UBE2T: variants seen among roughly 807,000 people sequenced by gnomAD.
UBE2T encodes ubiquitin conjugating enzyme E2 T.
In UBE2T, 15 loss-of-function variants were observed where a neutral mutation model predicts 23.3. The ratio of observed to expected loss-of-function variants is 0.64; its 90% CI spans 0.43 to 0.99. The LOEUF (loss-of-function observed/expected upper bound fraction) is 0.99. UBE2T is among the 50% of genes least tolerant of loss of function. The pLI is 0.00. For missense variants in UBE2T, 197 were observed against 234.9 expected (o/e 0.84, Z 1.05); for synonymous variants, 67 against 78.4 (o/e 0.85, Z 0.77).
chr1:202,339,858 A>T (rs1654962381), intron 1 of UBE2T, among the ~76,000 whole-genome samples: 1 of 151,972 alleles, frequency 6.6e-6, no homozygotes, highest in Non-Finnish European at 1.5e-5. Flanking sequence ...TGTGCAACAA[A>T]GGAGAACCCC....
chr1:202,340,213 A>C (rs1408902218), intron 1 of UBE2T, among the ~76,000 whole-genome samples: 1 of 146,758 alleles, frequency 6.8e-6, no homozygotes, highest in East Asian at 2.1e-4. Context: ...CTGTCTCAAA[A>C]ACAAAACAAA....
intron 3 of UBE2T, among the ~76,000 whole-genome samples, chr1:202,334,014 C>T (rs1265877298): frequency 6.6e-6 from 1 of 151,912 alleles, no homozygotes; most frequent in Non-Finnish European, 1.5e-5. Flanking sequence ...TTTAGTGAGA[C>T]ACCGACCTTG....
At chr1:202,338,503 GAGCCACCTCGCCC>G (rs1241824232) in intron 1 of UBE2T, among the ~76,000 whole-genome samples, 1 of 152,132 alleles carries the variant, frequency 6.6e-6, no homozygotes, top group Non-Finnish European at 1.5e-5. Flanking sequence ...TTACAGGCAT[GAGCCACCTCGCCC>G]AGCCAATCTA....
intron 1 of UBE2T, among the ~76,000 whole-genome samples, chr1:202,340,871 T>C (rs979011972): frequency 6.6e-6 from 1 of 152,226 alleles, no homozygotes; most frequent in Non-Finnish European, 1.5e-5. Flanking sequence ...TGCCATTCTT[T>C]GGCTCAAATG....
Position 202,335,114 on chromosome 1 carries a change from A to G in UBE2T, c.110-56T>C. ...AGGGAATCAGATCATTTGAATTACT[A>G]CCATATGGAGCTAATGAGGTCTATG... is the stretch of plus-strand genomic sequence containing the variant. On this transcript the variant is annotated intron_variant, in intron 2 of 6. Transcript: ENST00000646651. This position sits in a 1 kb window ranked among gnomAD's most constrained non-coding sequence, Gnocchi z 4.0. 2.1e-6 allele frequency: 3 copies of G among 1,424,908 alleles called. No homozygotes were observed. The highest frequency in any genetic ancestry group is 1.9e-6 in the Non-Finnish European group (2 of 1,031,536). The allele number at this position is 1,424,908 out of a possible 1,614,324, so 88.3% of individuals were successfully genotyped here.
intron 1 of UBE2T, among the ~76,000 whole-genome samples, chr1:202,336,725 T>C (rs796620481): frequency 3.3e-5 from 5 of 152,272 alleles, no homozygotes; most frequent in African/African-American, 1.2e-4. Context: ...CATTCTCAGG[T>C]ACAAACAAAT....
Position 202,335,201 on chromosome 1 carries a change from A to AT in UBE2T, c.110-144dup. On this transcript the variant is annotated intron_variant, in intron 2 of 6. Coordinates refer to ENST00000646651, the MANE Select transcript of UBE2T (RefSeq NM_014176.4). The surrounding 1 kb of genome is among the most constrained non-coding windows in gnomAD (Gnocchi z 4.0). ...TCTGCCAGGACTTTAACAAGTCCTC[A>AT]TGCAACACACCACAATGCTAATGTA... 4.6e-6 allele frequency: 3 copies of AT among 648,190 alleles called. No individual in the cohort carries two copies. The highest frequency in any genetic ancestry group is 8.0e-6 in the Non-Finnish European group (3 of 376,262). The allele number at this position is 648,190 out of a possible 1,614,324, so 40.2% of individuals were successfully genotyped here.
intron 6 of UBE2T, 101 bp from the exon 7 acceptor site, chr1:202,332,061 A>G: frequency 6.8e-7 from 1 of 1,460,622 alleles, no homozygotes; most frequent in Non-Finnish European, 9.3e-7. Context: ...TCTTTGTTGC[A>G]AGATTTAAAT....
chr1:202,336,071 C>T (rs1297890889), intron 1 of UBE2T, among the ~76,000 whole-genome samples: 1 of 152,054 alleles, frequency 6.6e-6, no homozygotes, highest in Non-Finnish European at 1.5e-5. Context: ...ACCACCATGC[C>T]CAGCTCATTT....
Position 202,331,957 on chromosome 1 carries a change from C to T in UBE2T, c.472G>A (p.Asp158Asn). The T allele has an allele frequency of 5.0e-6, 8 of 1,614,072 alleles. No individual in the cohort carries two copies. Among genetic ancestry groups the T allele is most frequent in the African/African-American group, 1.3e-5 (1 of 75,048 alleles). ...AGATTATCAAGCATCTCTTCCTCAT[C>T]AGCCTAAAGAGGAGACAGGGTGAAA... ...EKHARQKQKA[D>N]EEEMLDNLPE... is the part of the protein sequence containing the mutation. Residue 158 changes from aspartate (D) to asparagine (N), a missense_variant, in exon 7 of 7, where the codon GAT becomes AAT. By Grantham distance (23) the Asp-to-Asn change is conservative. Coordinates refer to ENST00000646651, the MANE Select transcript of UBE2T (RefSeq NM_014176.4).
chr1:202,333,335 C>G lies in UBE2T; in HGVS notation c.286G>C (p.Gly96Arg), dbSNP rs960163178. 1 of 1,613,950 alleles carries G rather than the reference C, an allele frequency of 6.2e-7. No homozygotes were observed. The highest frequency in any genetic ancestry group is 1.3e-5 in the African/African-American group (1 of 74,882). Residue 96 changes from glycine (G) to arginine (R), a missense_variant and splice_region_variant, in exon 5 of 7, where the codon GGT (glycine) becomes CGT (arginine). Physicochemically the swap from Gly to Arg is moderately radical, Grantham distance 125. Coordinates refer to ENST00000646651, the MANE Select transcript of UBE2T (RefSeq NM_014176.4). ...ATGTTGAGGGATGGTCTCCAAGCAC[C>G]CTATATACAAACAGATGAACAGTTG... ...CLDVLKLPPKGAWRPSLNIAT... is the reference protein window; with the variant it reads ...CLDVLKLPPKRAWRPSLNIAT...
intron 1 of UBE2T, among the ~76,000 whole-genome samples, chr1:202,337,230 C>T (rs1285686992): frequency 1.3e-5 from 2 of 152,140 alleles, no homozygotes; most frequent in East Asian, 1.9e-4. Flanking sequence ...CGTGAGCCAC[C>T]GCGCCCAGCC....
intron 1 of UBE2T, among the ~76,000 whole-genome samples, chr1:202,336,206 C>A (rs972971311): frequency 1.4e-5 from 2 of 144,232 alleles, no homozygotes; most frequent in Non-Finnish European, 3.0e-5. Context: ...GCCAATGCAC[C>A]CAGCTTTTTT....
chr1:202,335,612 A>G lies in UBE2T; in HGVS notation c.109+34T>C, dbSNP rs773839513. On this transcript the variant is annotated intron_variant, in intron 2 of 6. Coordinates refer to ENST00000646651, the MANE Select transcript of UBE2T (RefSeq NM_014176.4). This position sits in a 1 kb window ranked among gnomAD's most constrained non-coding sequence, Gnocchi z 4.0. The stretch of plus-strand genomic sequence containing the variant: ...TTTCAGCACAATCTTCAATAGGGTC[A>G]TGACTTTCATCATATACATGATTTG... The G allele has an allele frequency of 1.9e-6, 3 of 1,589,984 alleles. No homozygotes were observed. Among genetic ancestry groups the G allele is most frequent in the Non-Finnish European group, 1.7e-6 (2 of 1,159,102 alleles).
intron 1 of UBE2T, among the ~76,000 whole-genome samples, chr1:202,341,344 C>T (rs1654998286): frequency 1.3e-5 from 2 of 151,598 alleles, no homozygotes; most frequent in African/African-American, 4.8e-5. Flanking sequence ...TTTGGGAGGC[C>T]GAGGCGGGCG....
rs747527620 is a variant in UBE2T at position 202,335,708 on chromosome 1, G to A, written c.47C>T (p.Thr16Ile). Residue 16 changes from threonine to isoleucine, a missense_variant, in exon 2 of 7, where the codon ACA becomes ATA. Transcript: ENST00000646651. The surrounding 1 kb of genome is among the most constrained non-coding windows in gnomAD (Gnocchi z 4.0). ...RLKRELHMLA[T>I]EPPPGITCWQ... ...ACATGTGATGCCTGGGGGTGGCTCT[G>A]TGGCTAACATGTGCAGCTCTCTCTT... 1.9e-6 allele frequency: 3 copies of A among 1,613,976 alleles called. No homozygotes were observed. The African/African-American group carries it at 4.0e-5, about 22-fold the overall frequency.
Position 202,331,717 on chromosome 1 carries a change from G to A in UBE2T, c.*118C>T. 1 of 1,270,260 alleles carries A rather than the reference G, an allele frequency of 7.9e-7. No individual in the cohort carries two copies. Among genetic ancestry groups the A allele is most frequent in the Admixed American group, 2.2e-5 (1 of 46,340 alleles). The allele number at this position is 1,270,260 out of a possible 1,614,324, so 78.7% of individuals were successfully genotyped here. A position where few individuals can be genotyped will look rare whatever the true frequency, so the allele number is the denominator to read the frequency against. On this transcript the variant is annotated 3_prime_UTR_variant, in exon 7 of 7. Transcript: ENST00000646651. Reference sequence around the variant, plus strand: ...AAGATTTCAAAATACATATGTACAAGATAAATAAACTACACAAAAATTATG... The same window carrying A: ...AAGATTTCAAAATACATATGTACAAAATAAATAAACTACACAAAAATTATG...
At chr1:202,339,590 ACT>A (rs1654954635) in intron 1 of UBE2T, among the ~76,000 whole-genome samples, 2 of 123,208 alleles carry the variant, frequency 1.6e-5, no homozygotes, top group Admixed American at 1.0e-4. Flanking sequence ...ATAGATTAGG[ACT>A]CTGTCTCAAA....
At chr1:202,341,739 C>T (rs1247021711) in intron 1 of UBE2T, among the ~76,000 whole-genome samples, 156 bp downstream of exon 1, 5 of 152,102 alleles carry the variant, frequency 3.3e-5, no homozygotes, top group Non-Finnish European at 7.4e-5. Flanking sequence ...TACGGTGAGA[C>T]CCTCCGCTCA....
Sources: gnomAD v4.1 joint callset for allele counts (sites outside exome capture counted in the v4.1 genomes callset) on GRCh38, gnomAD v4.1.1 for gene constraint, Gnocchi (gnomAD v3.1) non-coding constraint, MANE v1.5 for transcripts, NCBI Gene and HGNC (gene_info 2026-07-23, HGNC 2026-07-21) for gene names.